Variants in GYG1 observed in about 807,000 individuals in gnomAD.
The protein encoded by GYG1 is glycogenin-1.
A neutral mutation model predicts 41.9 loss-of-function variants in GYG1; 44 were observed. That is an observed-to-expected ratio of 1.05 (90% CI 0.83 to 1.35). The LOEUF (loss-of-function observed/expected upper bound fraction) is 1.35, where lower values mean the gene tolerates loss of function less well. Ranked by LOEUF, GYG1 falls within the 40% of genes most tolerant of loss-of-function variation. GYG1 has a pLI of 0.00. For missense variants in GYG1, 429 were observed against 418.9 expected, an observed-to-expected ratio of 1.02 and a Z score of -0.21; for synonymous variants, 141 against 158.1, an observed-to-expected ratio of 0.89 and a Z score of 0.81.
chr3:149,020,678 T>C (rs1191244654), intron 5 of GYG1, among the ~76,000 whole-genome samples: 4 of 152,252 alleles, frequency 2.6e-5, no homozygotes, highest in African/African-American at 4.8e-5. Context: ...AAGAATAGTT[T>C]ACACTATATT....
At chr3:148,995,392 A>C (rs1210410946) in intron 2 of GYG1, among the ~76,000 whole-genome samples, 1 of 152,198 alleles carries the variant, frequency 6.6e-6, no homozygotes, top group Non-Finnish European at 1.5e-5. Flanking sequence ...AAAAAGTATA[A>C]GCACAGGCCA....
Position 149,010,628 on chromosome 3 carries a change from C to CT in GYG1, c.608+1227dup, listed in dbSNP as rs1212641992. On this transcript the variant is annotated intron_variant, in intron 5 of 7. Coordinates refer to ENST00000345003, the MANE Select transcript of GYG1 (RefSeq NM_004130.4). ...AGGCATGAGCCACTGCTCCCGGCCC[C>CT]TGGTGCAGTTCTGATACACCTTACA... 5.9e-5 allele frequency among the ~76,000 whole-genome samples: 9 copies of CT among 152,274 alleles called. No homozygotes were observed. The East Asian group carries it at 1.7e-3, about 29-fold the overall frequency.
chr3:148,996,399 G>C lies in GYG1; in HGVS notation c.241G>C (p.Gly81Arg). ...HLTLMKRPEL[G>R]VTLTKLHCWS... The stretch of plus-strand genomic sequence containing the variant: ...AACCTTAATGAAGAGGCCAGAGTTG[G>C]GTGTCACGCTGACAAAGCTCCACTG... The change falls in exon 3 of 8, where the codon GGT becomes CGT. Residue 81 changes from glycine to arginine, a missense_variant. Gly to Arg is a moderately radical substitution (Grantham distance 125, BLOSUM62 -2). Coordinates refer to ENST00000345003, the MANE Select transcript of GYG1 (RefSeq NM_004130.4). 1 of 1,613,324 alleles carries C rather than the reference G, an allele frequency of 6.2e-7. No individual in the cohort carries two copies. The highest frequency in any genetic ancestry group is 1.1e-5 in the South Asian group (1 of 91,054).
chr3:149,012,391 C>T lies in GYG1; in HGVS notation c.608+2989C>T, dbSNP rs143837774. ...ACCATGGAGTGGTCTGGAGCAACTT[C>T]GGCTTCATGGAAGGAAGAATGGAGT... On this transcript the variant is annotated intron_variant, in intron 5 of 7. Coordinates refer to ENST00000345003, the MANE Select transcript of GYG1 (RefSeq NM_004130.4). Among the ~76,000 whole-genome samples the T allele has an allele frequency of 2.0e-3, 304 of 152,256 alleles. 1 individual carries two copies. Among genetic ancestry groups the T allele is most frequent in the African/African-American group, 7.1e-3 (296 of 41,546 alleles).
chr3:149,005,039 T>C (rs79836449), intron 4 of GYG1, among the ~76,000 whole-genome samples: 3,011 of 152,314 alleles, frequency 0.02, 105 homozygotes, highest in African/African-American at 0.069. Context: ...GGAATTAGAT[T>C]TCTTTACTGC....
At chr3:149,019,610 C>T (rs1714262666) in intron 5 of GYG1, among the ~76,000 whole-genome samples, 1 of 152,150 alleles carries the variant, frequency 6.6e-6, no homozygotes, top group East Asian at 1.9e-4. Context: ...ACAGTTTTTT[C>T]ACTTTGTTAG....
intron 1 of GYG1, among the ~76,000 whole-genome samples, chr3:148,991,897 G>A (rs890103010): frequency 1.3e-5 from 2 of 152,342 alleles, no homozygotes; most frequent in East Asian, 3.9e-4. Context: ...TCCTGCTTCC[G>A]TCTCCTCGTC....
intron 4 of GYG1, among the ~76,000 whole-genome samples, chr3:148,998,749 G>A (rs915655552): frequency 6.6e-6 from 1 of 152,162 alleles, no homozygotes; most frequent in Non-Finnish European, 1.5e-5. Context: ...TTCAAAAGAT[G>A]TATTCCTTAT....
At chr3:148,996,666 A>T in intron 3 of GYG1, 76 bp from the exon 4 acceptor site, 1 of 1,400,810 alleles carries the variant, frequency 7.1e-7, no homozygotes, top group Non-Finnish European at 1.0e-6. Context: ...TTTGTGTTGG[A>T]TGACATAGGA....
rs34163646 is a variant in GYG1 at position 148,999,960 on chromosome 3, C to T, written c.481+3056C>T. Among the ~76,000 whole-genome samples, 4,030 of 152,312 alleles carry T rather than the reference C, an allele frequency of 0.026. 66 individuals are homozygous for T. The highest frequency in any genetic ancestry group is 0.051 in the South Asian group (248 of 4,830). ...CGCAGGTCATGTTTTTAACCTCTTTCCTGTGTTCATCAGAAACTGGTGGGG... is the reference window on the plus strand; with the variant it reads ...CGCAGGTCATGTTTTTAACCTCTTTTCTGTGTTCATCAGAAACTGGTGGGG... On this transcript the variant is annotated intron_variant, in intron 4 of 7. Coordinates refer to ENST00000345003, the MANE Select transcript of GYG1 (RefSeq NM_004130.4).
At chr3:149,009,531 G>C (rs113754217) in intron 5 of GYG1, 129 bp downstream of exon 5, 8 of 966,402 alleles carry the variant, frequency 8.3e-6, no homozygotes, top group Non-Finnish European at 1.2e-5. Flanking sequence ...AGTTTCTCTT[G>C]TAAGAACCGT....
At chr3:149,026,376 C>T (rs1714650109) in intron 6 of GYG1, 76 bp from the exon 7 acceptor site, 12 of 916,964 alleles carry the variant, frequency 1.3e-5, no homozygotes, top group Non-Finnish European at 2.0e-5. Context: ...TCAGAGCCCA[C>T]ACAGATTGAG....
intron 4 of GYG1, among the ~76,000 whole-genome samples, chr3:148,998,803 A>G (rs908216709): frequency 1.3e-5 from 2 of 152,170 alleles, no homozygotes; most frequent in Non-Finnish European, 2.9e-5. Context: ...AAAAGAGGAG[A>G]GTGTTTTTAG....
chr3:148,998,424 T>C (rs1426278708), intron 4 of GYG1, among the ~76,000 whole-genome samples: 1 of 152,154 alleles, frequency 6.6e-6, no homozygotes, highest in Admixed American at 6.5e-5. Flanking sequence ...TCCAGGATGC[T>C]AAACATCCTA....
chr3:149,016,560 G>A lies in GYG1; in HGVS notation c.608+7158G>A, dbSNP rs116035671. ...GTGTAGGTTATTAAAGTCTGGGTTC[G>A]AGTGCTGACATTGTTCTGATTTCCA... On this transcript the variant is annotated intron_variant, in intron 5 of 7. Coordinates refer to ENST00000345003, the MANE Select transcript of GYG1 (RefSeq NM_004130.4). Among the ~76,000 whole-genome samples the A allele has an allele frequency of 6.7e-3, 1,018 of 152,302 alleles. 7 individuals carry two copies. Among genetic ancestry groups the A allele is most frequent in the African/African-American group, 0.023 (963 of 41,562 alleles).
At position 149,017,582 on chromosome 3, in the gene GYG1, G is replaced by GTTT. The variant is rs58075146; in HGVS notation, c.609-6443_609-6441dup. On this transcript the variant is annotated intron_variant, in intron 5 of 7. Transcript: ENST00000345003. ...TTATTTATTTATTTCTTTTATTTAG[G>GTTT]TTTTTTTTTTTTTTTTTTTTTTTTT... Among the ~76,000 whole-genome samples the GTTT allele has an allele frequency of 8.9e-3, 421 of 47,354 alleles. 137 individuals carry two copies. The highest frequency in any genetic ancestry group is 0.011 in the Non-Finnish European group (236 of 20,918). The allele number at this position is 47,354 out of a possible 152,430, so 31.1% of individuals were successfully genotyped here.
chr3:149,023,488 G>C (rs550873367), intron 5 of GYG1, among the ~76,000 whole-genome samples: 60 of 152,322 alleles, frequency 3.9e-4, no homozygotes, highest in African/African-American at 1.3e-3. Context: ...CTGCTGGATT[G>C]TACAGCATGA....
chr3:149,011,777 G>C (rs1464639156), intron 5 of GYG1, among the ~76,000 whole-genome samples: 1 of 152,150 alleles, frequency 6.6e-6, no homozygotes, highest in Non-Finnish European at 1.5e-5. Flanking sequence ...CAATGAATGA[G>C]TGCTAATTTT....
chr3:149,016,869 G>A (rs1714080412), intron 5 of GYG1, among the ~76,000 whole-genome samples: 1 of 152,204 alleles, frequency 6.6e-6, no homozygotes, highest in Non-Finnish European at 1.5e-5. Flanking sequence ...GTGGGCAAGT[G>A]AGTCTGAGAA....
Sources: allele counts gnomAD v4.1 joint callset (sites outside exome capture counted in the v4.1 genomes callset), GRCh38; gene constraint gnomAD v4.1.1; transcripts MANE v1.5; gene names NCBI Gene and HGNC (gene_info 2026-07-23, HGNC 2026-07-21).